The following NDST3 variants were observed in gnomAD, a reference collection of about 807,000 sequenced individuals.
NDST3 encodes bifunctional heparan sulfate N-deacetylase/N-sulfotransferase 3.
A neutral mutation model predicts 96.1 loss-of-function variants in NDST3; 58 were observed. The ratio of observed to expected loss-of-function variants is 0.60; its 90% confidence interval spans 0.49 to 0.75. The LOEUF (loss-of-function observed/expected upper bound fraction) is 0.75, where lower values mean the gene tolerates loss of function less well. Ranked by LOEUF, NDST3 falls within the 30% of genes least tolerant of loss-of-function variation. The pLI is 0.00. For missense variants in NDST3, 788 were observed against 1,034.2 expected (o/e 0.76, Z 3.27); for synonymous variants, 333 against 359.7 (o/e 0.93, Z 0.84).
intron 6 of NDST3, among the ~76,000 whole-genome samples, chr4:118,145,337 CAT>C (rs1197411447): frequency 6.6e-6 from 1 of 152,162 alleles, no homozygotes; most frequent in Non-Finnish European, 1.5e-5. Flanking sequence ...TGATGTTTCA[CAT>C]TTACTTTCAT....
chr4:118,128,329 G>C (rs1446633223), intron 4 of NDST3, among the ~76,000 whole-genome samples: 2 of 151,934 alleles, frequency 1.3e-5, no homozygotes, highest in African/African-American at 4.8e-5. Context: ...GTCTGTCATA[G>C]ATGGATTTTA....
intron 6 of NDST3, among the ~76,000 whole-genome samples, chr4:118,192,985 G>A (rs1045209581): frequency 6.6e-6 from 1 of 152,130 alleles, no homozygotes; most frequent in Non-Finnish European, 1.5e-5. Flanking sequence ...CCACATGGAG[G>A]CCACATTTGG....
intron 2 of NDST3, among the ~76,000 whole-genome samples, chr4:118,062,164 C>T (rs1725946280): frequency 6.6e-6 from 1 of 152,136 alleles, no homozygotes; most frequent in Non-Finnish European, 1.5e-5. Flanking sequence ...TTAGTCCAAA[C>T]TTTATTTTAA....
intron 6 of NDST3, among the ~76,000 whole-genome samples, chr4:118,214,224 T>C (rs766022935): frequency 1.9e-4 from 28 of 151,344 alleles, no homozygotes; most frequent in Non-Finnish European, 3.4e-4. Flanking sequence ...AGTGGGAAAA[T>C]ATGAAGATGA....
chr4:118,255,782 C>A lies in NDST3; in HGVS notation c.*70C>A. 2.8e-6 allele frequency: 4 copies of A among 1,439,246 alleles called. No homozygotes were observed. Among genetic ancestry groups the A allele is most frequent in the Middle Eastern group, 1.9e-4 (1 of 5,342 alleles). The allele number at this position is 1,439,246 out of a possible 1,614,324, so 89.2% of individuals were successfully genotyped here. On this transcript the variant is annotated 3_prime_UTR_variant, in exon 14 of 14. Coordinates refer to ENST00000296499, the MANE Select transcript of NDST3 (RefSeq NM_004784.3). ...CTTTTCCAAAGCTTCCAGAAGCTAC[C>A]AAAAGGCAGTTGAAAAATATACCTC...
At chr4:118,068,988 C>A (rs10021128) in intron 2 of NDST3, among the ~76,000 whole-genome samples, 21 of 151,928 alleles carry the variant, frequency 1.4e-4, no homozygotes, top group Non-Finnish European at 2.9e-4. Context: ...CAATATAGTG[C>A]ATTTTACATG....
chr4:118,240,493 A>T, intron 10 of NDST3, 31 bp from the exon 11 acceptor site: 1 of 1,554,368 alleles, frequency 6.4e-7, no homozygotes, highest in Non-Finnish European at 8.7e-7. Flanking sequence ...TACGGTTCAG[A>T]TTAGTTTAAT....
intron 6 of NDST3, among the ~76,000 whole-genome samples, chr4:118,152,415 A>G (rs7654521): frequency 0.073 from 11,152 of 152,212 alleles, 903 homozygotes; most frequent in African/African-American, 0.2. Flanking sequence ...GGGTGTTCTG[A>G]GACCAAGGTA....
intron 6 of NDST3, among the ~76,000 whole-genome samples, chr4:118,209,841 A>G (rs1221667405): frequency 6.6e-6 from 1 of 152,178 alleles, no homozygotes; most frequent in African/African-American, 2.4e-5. Flanking sequence ...CTTTCCTTTG[A>G]GATTCTTAAG....
chr4:118,246,456 A>G (rs1291911398), intron 12 of NDST3, among the ~76,000 whole-genome samples: 2 of 152,152 alleles, frequency 1.3e-5, no homozygotes, highest in African/African-American at 4.8e-5. Flanking sequence ...AACTCAAAAA[A>G]TTAGTTGGGC....
intron 12 of NDST3, among the ~76,000 whole-genome samples, chr4:118,248,604 C>T (rs951048285): frequency 5.9e-5 from 9 of 152,178 alleles, no homozygotes; most frequent in South Asian, 2.1e-4. Context: ...GCCCTAGAAG[C>T]GGACACTAAA....
rs942176222 is a variant in NDST3, at chr4:118,145,540, A to G, written c.1539+1856A>G. On this transcript the variant is annotated intron_variant, in intron 6 of 13. Transcript: ENST00000296499. ...TGTGATAAGAAATATTACATTTTTT[A>G]TTAATTTAAAAACCAAACTATTGTC... Among the ~76,000 whole-genome samples, 42 of 152,248 alleles carry G rather than the reference A, an allele frequency of 2.8e-4. 1 individual carries two copies. The highest frequency in any genetic ancestry group is 1.0e-3 in the African/African-American group (42 of 41,474).
chr4:118,053,402 T>C (rs1725201532), intron 1 of NDST3, among the ~76,000 whole-genome samples: 2 of 151,996 alleles, frequency 1.3e-5, no homozygotes, highest in African/African-American at 2.4e-5. Context: ...ATGTATTACA[T>C]AATGTATAGC....
chr4:118,161,098 C>G (rs1408437012), intron 6 of NDST3, among the ~76,000 whole-genome samples: 2 of 152,204 alleles, frequency 1.3e-5, no homozygotes, highest in South Asian at 4.1e-4. Flanking sequence ...AGACAGGACC[C>G]TCAGCTAGAG....
chr4:118,160,009 T>C (rs1353395746), intron 6 of NDST3, among the ~76,000 whole-genome samples: 1 of 152,038 alleles, frequency 6.6e-6, no homozygotes, highest in Non-Finnish European at 1.5e-5. Flanking sequence ...TTCGAAGAAA[T>C]AATGGCCAAA....
intron 4 of NDST3, among the ~76,000 whole-genome samples, chr4:118,124,982 A>C (rs1285609932): frequency 6.6e-6 from 1 of 152,000 alleles, no homozygotes; most frequent in South Asian, 2.1e-4. Flanking sequence ...CCTAAACCTC[A>C]AGTTCCAGAT....
At chr4:118,106,522 T>C (rs1408750560) in intron 3 of NDST3, among the ~76,000 whole-genome samples, 5 of 151,998 alleles carry the variant, frequency 3.3e-5, no homozygotes, top group Non-Finnish European at 5.9e-5. Flanking sequence ...ATTTTTCTTG[T>C]AGAGAAGGGG....
intron 6 of NDST3, among the ~76,000 whole-genome samples, chr4:118,195,457 C>A (rs1737616088): frequency 6.6e-6 from 1 of 152,222 alleles, no homozygotes; most frequent in Non-Finnish European, 1.5e-5. Context: ...GCCTTTGCTT[C>A]TTCTTTGCCT....
chr4:118,156,043 A>G (rs907950483), intron 6 of NDST3, among the ~76,000 whole-genome samples: 4 of 152,204 alleles, frequency 2.6e-5, no homozygotes, highest in African/African-American at 9.6e-5. Context: ...TAATTCCTAA[A>G]TACTATTTCT....
Sources: gnomAD v4.1 joint callset for allele counts (sites outside exome capture counted in the v4.1 genomes callset) on GRCh38, gnomAD v4.1.1 for gene constraint, MANE v1.5 for transcripts, NCBI Gene and HGNC (gene_info 2026-07-23, HGNC 2026-07-21) for gene names.